BRINP3: variants seen among roughly 807,000 people sequenced by gnomAD.
The protein encoded by BRINP3 is BMP/retinoic acid inducible neural specific 3.
Under a neutral mutation model 71.0 loss-of-function variants are expected in BRINP3, and 19 were observed. That is an observed-to-expected ratio of 0.27 (90% CI 0.19 to 0.39). The LOEUF is 0.39. Among genes scored for constraint, BRINP3 ranks in the 10% least tolerant of loss-of-function variants. BRINP3 has a pLI of 1.00. For synonymous variants in BRINP3, 380 were observed against 337.7 expected, an observed-to-expected ratio of 1.13 and a Z score of -1.37; for missense variants, 959 against 940.8, an observed-to-expected ratio of 1.02 and a Z score of -0.25.
At chr1:190,243,894 A>T (rs992635668) in intron 4 of BRINP3, among the ~76,000 whole-genome samples, 1 of 152,156 alleles carries the variant, frequency 6.6e-6, no homozygotes, top group Admixed American at 6.6e-5. Context: ...GAAGTAAAAC[A>T]TTAAAGACTG....
chr1:190,429,632 C>T (rs1045893948), intron 2 of BRINP3, among the ~76,000 whole-genome samples: 7 of 150,010 alleles, frequency 4.7e-5, no homozygotes, highest in Admixed American at 1.3e-4. Context: ...GCTCTGTCAC[C>T]CAGACTGGAG....
At chr1:190,360,398 G>A (rs1669062156) in intron 2 of BRINP3, among the ~76,000 whole-genome samples, 1 of 152,180 alleles carries the variant, frequency 6.6e-6, no homozygotes, top group African/African-American at 2.4e-5. Context: ...CTAGCTTGCT[G>A]TGGAGGCAGA....
intron 2 of BRINP3, among the ~76,000 whole-genome samples, chr1:190,282,788 A>T (rs975083482): frequency 8.6e-5 from 13 of 151,980 alleles, no homozygotes; most frequent in Non-Finnish European, 1.8e-4. Context: ...AGAAAATTAA[A>T]TTTTTTAAAG....
chr1:190,124,079 T>G (rs1653893958), intron 7 of BRINP3, among the ~76,000 whole-genome samples: 1 of 152,196 alleles, frequency 6.6e-6, no homozygotes. Flanking sequence ...ATACATGAGT[T>G]GGAAACTTAA....
intron 1 of BRINP3, among the ~76,000 whole-genome samples, chr1:190,464,627 A>C (rs1267774074): frequency 6.6e-6 from 1 of 152,094 alleles, no homozygotes; most frequent in Admixed American, 6.6e-5. Flanking sequence ...GGGCTGCTTT[A>C]TTATATATGC....
intron 2 of BRINP3, among the ~76,000 whole-genome samples, chr1:190,425,675 A>C (rs554757727): frequency 6.6e-6 from 1 of 151,978 alleles, no homozygotes; most frequent in African/African-American, 2.4e-5. Context: ...GCCAAATTAA[A>C]GTAAAATGAA....
intron 7 of BRINP3, among the ~76,000 whole-genome samples, chr1:190,115,103 T>C (rs1403932072): frequency 6.6e-6 from 1 of 152,188 alleles, no homozygotes; most frequent in East Asian, 1.9e-4. Flanking sequence ...CAGGAAGTTT[T>C]ATCTCACTTA....
At chr1:190,453,838 T>A (rs1675811598) in intron 2 of BRINP3, among the ~76,000 whole-genome samples, 2 of 152,094 alleles carry the variant, frequency 1.3e-5, no homozygotes. Flanking sequence ...ACACAACAAA[T>A]GTGCTTCTTT....
intron 5 of BRINP3, among the ~76,000 whole-genome samples, chr1:190,231,729 GA>G (rs958922822): frequency 9.3e-5 from 14 of 151,230 alleles, no homozygotes; most frequent in African/African-American, 3.4e-4. Context: ...TTTAATTTTT[GA>G]AAAATGCCTG....
chr1:190,287,663 GA>G (rs1352263058), intron 2 of BRINP3, among the ~76,000 whole-genome samples: 1 of 152,080 alleles, frequency 6.6e-6, no homozygotes, highest in East Asian at 1.9e-4. Context: ...GTAGACTACA[GA>G]AGACAATTGG....
chr1:190,366,257 A>C (rs1329149141), intron 2 of BRINP3, among the ~76,000 whole-genome samples: 1 of 152,154 alleles, frequency 6.6e-6, no homozygotes, highest in Non-Finnish European at 1.5e-5. Flanking sequence ...GTCATGGCAG[A>C]AGATGAAGCA....
intron 2 of BRINP3, among the ~76,000 whole-genome samples, chr1:190,408,786 T>A (rs545650340): frequency 2.6e-5 from 4 of 152,318 alleles, no homozygotes; most frequent in African/African-American, 9.6e-5. Flanking sequence ...GAATAGGCTA[T>A]CAACCACCAA....
At chr1:190,115,648 C>T (rs1297259930) in intron 7 of BRINP3, among the ~76,000 whole-genome samples, 2 of 152,114 alleles carry the variant, frequency 1.3e-5, no homozygotes, top group African/African-American at 4.8e-5. Flanking sequence ...CATCCCGACT[C>T]TCTGCCTCAC....
intron 2 of BRINP3, among the ~76,000 whole-genome samples, chr1:190,410,524 C>T (rs1016664438): frequency 5.9e-5 from 9 of 151,320 alleles, no homozygotes; most frequent in African/African-American, 1.2e-4. Context: ...ATAGACACAA[C>T]GAGGTAATAT....
At chr1:190,395,800 G>C (rs1671527995) in intron 2 of BRINP3, among the ~76,000 whole-genome samples, 1 of 151,690 alleles carries the variant, frequency 6.6e-6, no homozygotes, top group South Asian at 2.1e-4. Context: ...TTCCTCTCTT[G>C]AACCCTTGAA....
At chr1:190,451,641 CTTT>C (rs1675614069) in intron 2 of BRINP3, among the ~76,000 whole-genome samples, 1 of 151,986 alleles carries the variant, frequency 6.6e-6, no homozygotes, top group African/African-American at 2.4e-5. Context: ...AATTAATAAT[CTTT>C]TAAGTCTTAA....
rs3121762 is a variant in BRINP3 at position 190,405,493 on chromosome 1, C to G, written c.236+49162G>C. On this transcript the variant is annotated intron_variant, in intron 2 of 7. Coordinates refer to ENST00000367462, the MANE Select transcript of BRINP3 (RefSeq NM_199051.3). Reference sequence around the variant, plus strand: ...AAAAAAAAAAAAAAAAAAAAAAAAACCAGAATCAGAAGCGTGACATATCAT... The same window carrying G: ...AAAAAAAAAAAAAAAAAAAAAAAAAGCAGAATCAGAAGCGTGACATATCAT... Among the ~76,000 whole-genome samples the G allele has an allele frequency of 1.3e-4, 10 of 78,310 alleles. No homozygotes were observed. The Admixed American group carries it at 1.6e-3, about 13-fold the overall frequency. The allele number at this position is 78,310 out of a possible 152,430, so 51.4% of individuals were successfully genotyped here.
intron 7 of BRINP3, among the ~76,000 whole-genome samples, chr1:190,111,124 G>A (rs1652632531): frequency 7.2e-6 from 1 of 138,480 alleles, no homozygotes. Context: ...CTTGCAGTCA[G>A]CCGAGATTGG....
chr1:190,188,960 C>T (rs1002825438), intron 6 of BRINP3, among the ~76,000 whole-genome samples: 1 of 152,028 alleles, frequency 6.6e-6, no homozygotes, highest in Non-Finnish European at 1.5e-5. Flanking sequence ...GGGGGTCTCA[C>T]CTTATTGGCC....
Sources: allele counts gnomAD v4.1 joint callset (sites outside exome capture counted in the v4.1 genomes callset), GRCh38; gene constraint gnomAD v4.1.1; transcripts MANE v1.5; gene names NCBI Gene and HGNC (gene_info 2026-07-23, HGNC 2026-07-21).